ATIC: variants seen among roughly 807,000 people sequenced by gnomAD.
ATIC encodes bifunctional purine biosynthesis protein ATIC.
A neutral mutation model predicts 72.5 loss-of-function variants in ATIC; 64 were observed. That is an observed-to-expected ratio of 0.88 (90% CI 0.72 to 1.09). The LOEUF (loss-of-function observed/expected upper bound fraction) is 1.09. Among genes scored for constraint, ATIC ranks in the 50% least tolerant of loss-of-function variants. ATIC has a pLI of 0.00. For synonymous variants in ATIC, 281 were observed against 267.1 expected (o/e 1.05, Z -0.51); for missense variants, 787 against 732.4 (o/e 1.07, Z -0.86).
chr2:215,349,752 C>T lies in ATIC; in HGVS notation c.*97C>T. The T allele has an allele frequency of 1.3e-6, 2 of 1,595,698 alleles. No individual in the cohort carries two copies. The highest frequency in any genetic ancestry group is 1.7e-6 in the Non-Finnish European group (2 of 1,164,432). On this transcript the variant is annotated 3_prime_UTR_variant, in exon 16 of 16. Transcript: ENST00000236959. ...TTTTTAAAAAAATAAAACAGTATCT[C>T]TTAATCACTGGATCCATAGTTTTTG...
chr2:215,361,526 T>C, the ATIC span: 1 of 1,474,864 alleles, frequency 6.8e-7, no homozygotes, highest in East Asian at 2.3e-5. Context: ...CAGAGAGACA[T>C]GCTTGTTCCT....
chr2:215,322,533 T>A lies in ATIC; in HGVS notation c.291-2708T>A, dbSNP rs150675203. ...TTTTAGTAGAGACGGGGTTTCTCCA[T>A]GTTGGCCAGGCTGGTCTTGAACTCC... On this transcript the variant is annotated intron_variant, in intron 4 of 15. Transcript: ENST00000236959. 7.5e-3 allele frequency among the ~76,000 whole-genome samples: 1,139 copies of A among 152,044 alleles called. 11 individuals carry two copies. The highest frequency in any genetic ancestry group is 0.026 in the African/African-American group (1,088 of 41,460).
At chr2:215,331,763 C>G (rs2052897418) in intron 7 of ATIC, among the ~76,000 whole-genome samples, 1 of 152,076 alleles carries the variant, frequency 6.6e-6, no homozygotes, top group Admixed American at 6.6e-5. Context: ...GAGATACTAG[C>G]TCCTAAAAAA....
the ATIC span, among the ~76,000 whole-genome samples, chr2:215,355,389 C>T: frequency 6.6e-6 from 1 of 152,148 alleles, no homozygotes; most frequent in East Asian, 1.9e-4. Context: ...CATAATGTAA[C>T]AACGTCCTGA....
the ATIC span, chr2:215,367,994 G>A: frequency 6.4e-5 from 103 of 1,614,162 alleles, no homozygotes; most frequent in East Asian, 1.9e-3. Context: ...GTCAAAGCAC[G>A]AGTCATCCGT....
chr2:215,362,808 C>G, the ATIC span: 3 of 152,922 alleles, frequency 2.0e-5, no homozygotes, highest in East Asian at 1.9e-4. Context: ...GTAAAGCAAG[C>G]TCATGGAGGT....
chr2:215,352,873 A>G (rs1452262477), downstream of ATIC, among the ~76,000 whole-genome samples: 2 of 38,312 alleles, frequency 5.2e-5, no homozygotes, highest in Non-Finnish European at 2.1e-4. Flanking sequence ...TTGGTCTCAT[A>G]GTTCCCACGT....
intron 7 of ATIC, among the ~76,000 whole-genome samples, chr2:215,329,006 A>G (rs1165257047): frequency 1.3e-5 from 2 of 152,184 alleles, no homozygotes; most frequent in Non-Finnish European, 2.9e-5. Flanking sequence ...CATGAGCCAC[A>G]GCGCCCAGCC....
intron 13 of ATIC, 104 bp from the exon 14 acceptor site, chr2:215,346,655 T>TC: frequency 3.7e-6 from 5 of 1,340,524 alleles, no homozygotes; most frequent in Non-Finnish European, 5.3e-6. Flanking sequence ...GATATGTTCT[T>TC]CCACAAAACT....
At position 215,326,063 on chromosome 2, in the gene ATIC, G is replaced by A. The variant is rs2052820793; in HGVS notation, c.456G>A (p.Val152=). The A allele has an allele frequency of 6.2e-7, 1 of 1,614,034 alleles. No homozygotes were observed. The highest frequency in any genetic ancestry group is 1.3e-5 in the African/African-American group (1 of 74,908). Residue 152 remains valine, a synonymous_variant, in exon 6 of 16, where the codon GTG becomes GTA. Transcript: ENST00000236959. ...VTVVCEPEDY[V]VVSTEMQSSE... is the part of the protein sequence containing the mutation. ...TGGTGTGTGAACCAGAGGACTATGT[G>A]GTGGTGTCCACGGAGATGCAGAGCT...
downstream of ATIC, among the ~76,000 whole-genome samples, chr2:215,351,412 T>C (rs946049234): frequency 3.9e-5 from 6 of 152,176 alleles, no homozygotes; most frequent in African/African-American, 1.2e-4. Context: ...AAATTAAGTG[T>C]GTGTTGTCTT....
chr2:215,354,832 G>A, the ATIC span, among the ~76,000 whole-genome samples: 3 of 151,240 alleles, frequency 2.0e-5, no homozygotes, highest in African/African-American at 7.3e-5. Flanking sequence ...GTGGTATGTT[G>A]GCCTGTGAGC....
At chr2:215,332,559 C>T (rs2106018443) in intron 8 of ATIC, 52 bp downstream of exon 8, 3 of 1,600,366 alleles carry the variant, frequency 1.9e-6, no homozygotes, top group East Asian at 4.5e-5. Context: ...GGCATTTCTT[C>T]TTAAATTTTT....
intron 2 of ATIC, among the ~76,000 whole-genome samples, chr2:215,317,231 C>G (rs997493997): frequency 6.6e-6 from 1 of 152,198 alleles, no homozygotes; most frequent in South Asian, 2.1e-4. Flanking sequence ...ATTATTTTTT[C>G]TAGTTTACTT....
rs1575119900 is a variant in ATIC at position 215,332,368 on chromosome 2, A to G, written c.689-14A>G. On this transcript the variant is annotated splice_polypyrimidine_tract_variant and intron_variant, in intron 7 of 15. Transcript: ENST00000236959. ...ATCCTGCTTAGTAATGTGCATGTAT[A>G]TTTTTACATTTAGTTCTAAATGGAG... 1 of 1,613,942 alleles carries G rather than the reference A, an allele frequency of 6.2e-7. No homozygotes were observed. The highest frequency in any genetic ancestry group is 1.7e-5 in the Admixed American group (1 of 59,968).
downstream of ATIC, among the ~76,000 whole-genome samples, chr2:215,351,404 A>ATT (rs1180277256): frequency 6.6e-6 from 1 of 152,198 alleles, no homozygotes; most frequent in East Asian, 1.9e-4. Context: ...TGGCTTGTAA[A>ATT]TTAAGTGTGT....
At chr2:215,367,984 G>C in the ATIC span, 4 of 1,614,060 alleles carry the variant, frequency 2.5e-6, no homozygotes, top group Non-Finnish European at 3.4e-6. Flanking sequence ...CTGTGTAGGG[G>C]TCAAAGCACG....
chr2:215,357,796 C>A, the ATIC span, among the ~76,000 whole-genome samples: 2 of 151,546 alleles, frequency 1.3e-5, no homozygotes, highest in East Asian at 3.9e-4. Context: ...GCTTTATCAG[C>A]CTTAATGGTA....
At chr2:215,346,302 C>T (rs2053070042) in intron 13 of ATIC, among the ~76,000 whole-genome samples, 1 of 152,094 alleles carries the variant, frequency 6.6e-6, no homozygotes. Context: ...GCTGGGACTG[C>T]AGGTGTGCGC....
Sources: allele counts gnomAD v4.1 joint callset (sites outside exome capture counted in the v4.1 genomes callset), GRCh38; gene constraint gnomAD v4.1.1; transcripts MANE v1.5; gene names NCBI Gene and HGNC (gene_info 2026-07-23, HGNC 2026-07-21).